Variants in CNTN6 observed in about 807,000 individuals in gnomAD.
CNTN6 encodes contactin 6.
A neutral mutation model predicts 122.8 loss-of-function variants in CNTN6; 137 were observed. The ratio of observed to expected loss-of-function variants is 1.12; its 90% CI spans 0.97 to 1.29. The LOEUF (loss-of-function observed/expected upper bound fraction) is 1.29, where lower values mean the gene tolerates loss of function less well. Ranked by LOEUF, CNTN6 falls within the 50% of genes most tolerant of loss-of-function variation. The pLI is 0.00. For synonymous variants in CNTN6, 570 were observed against 426.0 expected (o/e 1.34, Z -4.16); for missense variants, 1,634 against 1,223.4 (o/e 1.34, Z -5.01).
intron 1 of CNTN6, among the ~76,000 whole-genome samples, chr3:1,102,969 T>G (rs755072930): frequency 6.8e-6 from 1 of 147,540 alleles, no homozygotes; most frequent in African/African-American, 2.6e-5. Context: ...TAGCCGGGCG[T>G]GGTGGCGGCG....
At chr3:1,104,413 A>G (rs1005209840) in intron 1 of CNTN6, among the ~76,000 whole-genome samples, 1 of 152,146 alleles carries the variant, frequency 6.6e-6, no homozygotes, top group African/African-American at 2.4e-5. Flanking sequence ...CTCACATTAT[A>G]CACATGTTTA....
intron 2 of CNTN6, among the ~76,000 whole-genome samples, chr3:1,152,314 A>G (rs1184557245): frequency 2.0e-5 from 3 of 151,548 alleles, no homozygotes; most frequent in African/African-American, 4.9e-5. Context: ...AATTTTTTGT[A>G]TTTTAGTAGA....
In CNTN6 at chr3:1,373,590, A is replaced by C; in HGVS notation, c.1787-14A>C. On this transcript the variant is annotated splice_polypyrimidine_tract_variant and intron_variant, in intron 14 of 22. Transcript: ENST00000446702. ...GTATCTCCAATGGAGTCATGATAAA[A>C]CATTTTTTTCAAGGTCCACCAGGTC... 1 of 1,609,188 alleles carries C rather than the reference A, an allele frequency of 6.2e-7. No individual in the cohort carries two copies. The highest frequency in any genetic ancestry group is 1.1e-5 in the South Asian group (1 of 90,584).
chr3:1,190,444 C>T (rs777453310), intron 2 of CNTN6, among the ~76,000 whole-genome samples: 3 of 152,152 alleles, frequency 2.0e-5, no homozygotes, highest in South Asian at 2.1e-4. Context: ...TTACTGAAAC[C>T]GCCTTGCTTT....
chr3:1,164,496 G>GTATC (rs145485463), intron 2 of CNTN6, among the ~76,000 whole-genome samples: 9,615 of 152,238 alleles, frequency 0.063, 393 homozygotes, highest in Middle Eastern at 0.13. Flanking sequence ...ACCTTAACTA[G>GTATC]TATCTGTACA....
intron 1 of CNTN6, among the ~76,000 whole-genome samples, chr3:1,133,021 TA>T (rs1240774657): frequency 6.6e-6 from 1 of 152,080 alleles, no homozygotes; most frequent in Non-Finnish European, 1.5e-5. Flanking sequence ...ATTCATTGAA[TA>T]AATATAAGTT....
intron 2 of CNTN6, among the ~76,000 whole-genome samples, chr3:1,162,986 G>C (rs2093169334): frequency 6.6e-6 from 1 of 152,162 alleles, no homozygotes; most frequent in South Asian, 2.1e-4. Flanking sequence ...GACTGGCCTG[G>C]CAGCCTCTTG....
chr3:1,111,285 A>T (rs991012070), intron 1 of CNTN6, among the ~76,000 whole-genome samples: 1 of 152,138 alleles, frequency 6.6e-6, no homozygotes, highest in Non-Finnish European at 1.5e-5. Flanking sequence ...ATACAGTTCA[A>T]ATTAGTAACA....
In CNTN6 at chr3:1,187,124, A is replaced by G. The variant is rs1056058963; in HGVS notation, c.56-33563A>G. On this transcript the variant is annotated intron_variant, in intron 2 of 22. Coordinates refer to ENST00000446702, the MANE Select transcript of CNTN6 (RefSeq NM_001289080.2). The stretch of plus-strand genomic sequence containing the variant: ...AAAAGCCTTTGTTGTTGTTGTTTTT[A>G]CAATTCATAGACTTCCCACTGATAA... Among the ~76,000 whole-genome samples, 3 of 152,262 alleles carry G rather than the reference A, an allele frequency of 2.0e-5. 1 individual carries two copies. The East Asian group carries it at 5.8e-4, about 29-fold the overall frequency.
chr3:1,116,131 A>T (rs979567357), intron 1 of CNTN6, among the ~76,000 whole-genome samples: 1 of 152,196 alleles, frequency 6.6e-6, no homozygotes, highest in Admixed American at 6.5e-5. Context: ...TGCTCCAAAA[A>T]TCAGGAATAC....
intron 4 of CNTN6, among the ~76,000 whole-genome samples, chr3:1,229,638 TA>T (rs1175576180): frequency 6.6e-6 from 1 of 152,214 alleles, no homozygotes; most frequent in East Asian, 1.9e-4. Context: ...CTTTCTGCTT[TA>T]AAAATTTCTT....
chr3:1,335,614 C>T (rs1702938446), intron 11 of CNTN6, among the ~76,000 whole-genome samples: 1 of 152,236 alleles, frequency 6.6e-6, no homozygotes, highest in East Asian at 1.9e-4. Context: ...TGACAGGCAG[C>T]ATTAAATACA....
At chr3:1,111,878 G>T (rs2091496901) in intron 1 of CNTN6, among the ~76,000 whole-genome samples, 1 of 151,962 alleles carries the variant, frequency 6.6e-6, no homozygotes, top group Non-Finnish European at 1.5e-5. Context: ...GTAGAAGTGG[G>T]TACTTAAGAA....
intron 1 of CNTN6, among the ~76,000 whole-genome samples, chr3:1,121,193 A>G (rs1172437496): frequency 6.6e-6 from 1 of 151,882 alleles, no homozygotes; most frequent in Non-Finnish European, 1.5e-5. Flanking sequence ...GTATGTAAAT[A>G]TTTCTTGAGA....
At chr3:1,313,203 A>G (rs1034058215) in intron 7 of CNTN6, among the ~76,000 whole-genome samples, 10 of 152,126 alleles carry the variant, frequency 6.6e-5, no homozygotes, top group Non-Finnish European at 5.9e-5. Flanking sequence ...ATAAAAAATT[A>G]TAGACAAGCT....
In CNTN6 at chr3:1,237,755, T is replaced by G. The variant is rs2094439207; in HGVS notation, c.358+9762T>G. Among the ~76,000 whole-genome samples, 5 of 152,132 alleles carry G rather than the reference T, an allele frequency of 3.3e-5. No homozygotes were observed. In the South Asian group the frequency reaches 1.0e-3, roughly 32 times the overall value. On this transcript the variant is annotated intron_variant, in intron 4 of 22. Transcript: ENST00000446702. Reference sequence around the variant, plus strand: ...ATTGGGATTCTATTTTTAGCCTCCTTAAACAAAACAACTATTAGTCAAGAA... The same window carrying G: ...ATTGGGATTCTATTTTTAGCCTCCTGAAACAAAACAACTATTAGTCAAGAA...
chr3:1,375,153 C>G (rs375070179), intron 16 of CNTN6, among the ~76,000 whole-genome samples: 2 of 152,038 alleles, frequency 1.3e-5, no homozygotes, highest in African/African-American at 4.8e-5. Context: ...TATATACCCC[C>G]TGGATCAGAA....
At chr3:1,218,310 T>A (rs549459765) in intron 2 of CNTN6, among the ~76,000 whole-genome samples, 14 of 152,006 alleles carry the variant, frequency 9.2e-5, no homozygotes, top group African/African-American at 3.4e-4. Flanking sequence ...GAGGGTGGTT[T>A]CTGGGGGAAA....
At chr3:1,251,088 T>G (rs2094659577) in intron 4 of CNTN6, among the ~76,000 whole-genome samples, 1 of 152,228 alleles carries the variant, frequency 6.6e-6, no homozygotes, top group Non-Finnish European at 1.5e-5. Context: ...ATAATACTCC[T>G]GTCGAATATC....
Sources: gnomAD v4.1 joint callset for allele counts (sites outside exome capture counted in the v4.1 genomes callset) on GRCh38, gnomAD v4.1.1 for gene constraint, MANE v1.5 for transcripts, NCBI Gene and HGNC (gene_info 2026-07-23, HGNC 2026-07-21) for gene names.